Variants in MME observed in about 807,000 individuals in gnomAD.
MME encodes membrane metalloendopeptidase.
In MME, 98 loss-of-function variants were observed where a neutral mutation model predicts 113.2. That is an observed-to-expected ratio of 0.87 (90% CI 0.74 to 1.02). The LOEUF (loss-of-function observed/expected upper bound fraction) is 1.02, where lower values mean the gene tolerates loss of function less well. Ranked by LOEUF, MME falls within the 50% of genes least tolerant of loss-of-function variation. MME has a pLI of 0.00. For missense variants in MME, 836 were observed against 896.0 expected, an observed-to-expected ratio of 0.93 and a Z score of 0.86; for synonymous variants, 292 against 300.6, an observed-to-expected ratio of 0.97 and a Z score of 0.30.
rs1713121324 is a variant in MME at position 155,181,847 on chromosome 3, T to C, written c.*1388T>C. On this transcript the variant is annotated 3_prime_UTR_variant, in exon 23 of 23. Coordinates refer to ENST00000360490, the MANE Select transcript of MME (RefSeq NM_007289.4). The stretch of plus-strand genomic sequence containing the variant: ...AATTCTTATTTTTCCTAACAAAAGA[T>C]GAAAGCAGGGAATTTCTATCTAAAT... The C allele has an allele frequency of 1.3e-5, 2 of 152,148 alleles. No individual in the cohort carries two copies. The highest frequency in any genetic ancestry group is 2.4e-5 in the African/African-American group (1 of 41,442). 9.4% of individuals were successfully genotyped at this position (152,148 alleles called of 1,614,324 possible).
At chr3:155,162,921 G>A (rs542203477) in intron 17 of MME, among the ~76,000 whole-genome samples, 12 of 149,556 alleles carry the variant, frequency 8.0e-5, no homozygotes, top group South Asian at 4.2e-4. Context: ...GCTGAGGCAC[G>A]AGAATCGCTT....
chr3:155,079,572 G>A, upstream of MME: 1 of 139,946 alleles, frequency 7.1e-6, no homozygotes, highest in Non-Finnish European at 1.5e-5. Flanking sequence ...GAAACCTTCA[G>A]GTCACCCAGG....
intron 1 of MME, among the ~76,000 whole-genome samples, chr3:155,051,647 T>C (rs1264486867): frequency 6.6e-6 from 1 of 152,260 alleles, no homozygotes; most frequent in East Asian, 1.9e-4. Flanking sequence ...ACTGCCCCCA[T>C]GATTTAATTA....
intron 1 of MME, among the ~76,000 whole-genome samples, chr3:155,069,862 T>C (rs1326653652): frequency 6.6e-6 from 1 of 152,198 alleles, no homozygotes; most frequent in Non-Finnish European, 1.5e-5. Flanking sequence ...CCCTTGCCCT[T>C]GTCCATGTGA....
Position 155,147,044 on chromosome 3 carries a change from G to A in MME, c.1417-100G>A, listed in dbSNP as rs888114575. On this transcript the variant is annotated intron_variant, in intron 14 of 22. Coordinates refer to ENST00000360490, the MANE Select transcript of MME (RefSeq NM_007289.4). ...ATGTCAGACACTCATTTTATGAACA[G>A]TATGGATCAAGTTATTCAATTGCTA... is the stretch of plus-strand genomic sequence containing the variant. The A allele has an allele frequency of 4.8e-5, 37 of 778,804 alleles. 1 individual carries two copies. The South Asian group carries it at 5.3e-4, about 11-fold the overall frequency. 48.2% of individuals were successfully genotyped at this position (778,804 alleles called of 1,614,324 possible).
chr3:155,084,208 A>G lies in MME; in HGVS notation c.41A>G (p.Asn14Ser). The change falls in exon 2 of 23, where the codon AAC becomes AGC. Residue 14 changes from asparagine to serine, a missense_variant. By Grantham distance (46) the Asn-to-Ser change is conservative (BLOSUM62 1). Transcript: ENST00000360490. The stretch of plus-strand genomic sequence containing the variant: ...AGTCAGATGGATATAACTGATATCA[A>G]CACTCCAAAGCCAAAGAAGAAACAG... ...SESQMDITDINTPKPKKKQRW... is the reference protein window; with the variant it reads ...SESQMDITDISTPKPKKKQRW... 1.2e-6 allele frequency: 2 copies of G among 1,614,200 alleles called. No homozygotes were observed. Among genetic ancestry groups the G allele is most frequent in the Middle Eastern group, 1.6e-4 (1 of 6,062 alleles).
intron 3 of MME, chr3:155,089,709 G>A: frequency 3.3e-6 from 1 of 300,872 alleles, no homozygotes; most frequent in South Asian, 2.7e-5. Context: ...GCCTTATATG[G>A]CAACATGCCT....
intron 12 of MME, among the ~76,000 whole-genome samples, chr3:155,143,015 A>T (rs1405060979): frequency 6.6e-6 from 1 of 152,150 alleles, no homozygotes; most frequent in Admixed American, 6.6e-5. Context: ...TTATCCTGTT[A>T]TTCTTAAATT....
intron 3 of MME, among the ~76,000 whole-genome samples, chr3:155,099,606 G>A (rs1358206095): frequency 6.6e-6 from 1 of 152,182 alleles, no homozygotes; most frequent in Non-Finnish European, 1.5e-5. Flanking sequence ...ATTAAATGGT[G>A]GAGCTCCTGA....
chr3:155,079,630 T>TGGGGGGGGGAGGGGGG (rs1455585736), upstream of MME: 1 of 27,486 alleles, frequency 3.6e-5, no homozygotes, highest in Non-Finnish European at 9.8e-5. Context: ...GGGTAGGGGG[T>TGGGGGGGGGAGGGGGG]GGGGGGGGTG....
At chr3:155,045,115 T>C (rs1305416137) in intron 1 of MME, among the ~76,000 whole-genome samples, 1 of 152,174 alleles carries the variant, frequency 6.6e-6, no homozygotes, top group Non-Finnish European at 1.5e-5. Context: ...TCCTTCTATC[T>C]TTTCTGCAAA....
chr3:155,064,297 A>C (rs572909850), intron 1 of MME, among the ~76,000 whole-genome samples: 1 of 152,240 alleles, frequency 6.6e-6, no homozygotes, highest in East Asian at 1.9e-4. Flanking sequence ...TCAAAAAAAA[A>C]TTATACATAT....
intron 1 of MME, among the ~76,000 whole-genome samples, chr3:155,057,711 A>G (rs1381673634): frequency 6.9e-6 from 1 of 145,596 alleles, no homozygotes; most frequent in Non-Finnish European, 1.5e-5. Context: ...TTTTTTCTAA[A>G]TTGTGGTGAC....
At position 155,116,870 on chromosome 3, in the gene MME, G is replaced by A. The variant is rs202185476; in HGVS notation, c.538G>A (p.Ala180Thr). The A allele has an allele frequency of 2.5e-6, 4 of 1,598,760 alleles. No homozygotes were observed. In the Admixed American group the frequency reaches 6.7e-5, roughly 27 times the overall value. The change falls in exon 7 of 23, where the codon GCT becomes ACT. Residue 180 changes from alanine to threonine, a missense_variant and splice_region_variant. Transcript: ENST00000360490. Reference protein sequence around the residue: ...ATENWEQKYGASWTAEKAIAQ... With the variant: ...ATENWEQKYGTSWTAEKAIAQ... ...TATTTTATCTTTTATTGCTTTAGGT[G>A]CTTCTTGGACAGCTGAAAAAGCTAT...
At chr3:155,159,771 C>G (rs571654978) in intron 16 of MME, among the ~76,000 whole-genome samples, 10 of 151,874 alleles carry the variant, frequency 6.6e-5, no homozygotes, top group African/African-American at 2.4e-4. Context: ...ACAGACAGAC[C>G]GACAAATCTA....
In MME at chr3:155,084,548, G is replaced by A. The variant is rs112160750; in HGVS notation, c.160+221G>A. On this transcript the variant is annotated intron_variant, in intron 2 of 22. Coordinates refer to ENST00000360490, the MANE Select transcript of MME (RefSeq NM_007289.4). ...AAGTTATTAATTGCAAGTATATTTA[G>A]TGCGCTCACGCTTACTTATGAGGAA... 2.2e-3 allele frequency among the ~76,000 whole-genome samples: 331 copies of A among 152,294 alleles called. 1 individual carries two copies. The highest frequency in any genetic ancestry group is 7.0e-3 in the African/African-American group (292 of 41,554).
chr3:155,079,636 G>C (rs903741176), upstream of MME: 10 of 138,946 alleles, frequency 7.2e-5, no homozygotes, highest in Non-Finnish European at 1.1e-4. Context: ...GGGGTGGGGG[G>C]GGTGGGCCGT....
intron 18 of MME, among the ~76,000 whole-genome samples, chr3:155,167,978 A>T (rs1187865145): frequency 6.6e-6 from 1 of 152,192 alleles, no homozygotes; most frequent in African/African-American, 2.4e-5. Context: ...ATATAAATGC[A>T]ATTGGAGCTC....
chr3:155,089,054 A>G (rs1716045226), intron 3 of MME, among the ~76,000 whole-genome samples: 1 of 152,202 alleles, frequency 6.6e-6, no homozygotes, highest in Middle Eastern at 3.2e-3. Flanking sequence ...GGATTTAAAT[A>G]TTTATGATGT....
Sources: allele counts gnomAD v4.1 joint callset (sites outside exome capture counted in the v4.1 genomes callset), GRCh38; gene constraint gnomAD v4.1.1; transcripts MANE v1.5; gene names NCBI Gene and HGNC (gene_info 2026-07-23, HGNC 2026-07-21).